The following SGCZ variants were observed in gnomAD, a reference collection of about 807,000 sequenced individuals.
SGCZ encodes sarcoglycan zeta, also known as zeta-sarcoglycan.
Under a neutral mutation model 41.3 loss-of-function variants are expected in SGCZ, and 40 were observed. The ratio of observed to expected loss-of-function variants is 0.97; its 90% CI spans 0.75 to 1.26. The LOEUF (loss-of-function observed/expected upper bound fraction) is 1.26, where lower values mean the gene tolerates loss of function less well. Among genes scored for constraint, SGCZ ranks in the 50% most tolerant of loss-of-function variants. The pLI, the probability that SGCZ is intolerant of heterozygous loss-of-function variation, is 0.00. For missense variants in SGCZ, 552 were observed against 369.8 expected (o/e 1.49, Z -4.04); for synonymous variants, 206 against 137.5 (o/e 1.50, Z -3.49).
chr8:14,369,031 G>GTA (rs1803817985), intron 2 of SGCZ, among the ~76,000 whole-genome samples: 1 of 148,576 alleles, frequency 6.7e-6, no homozygotes, highest in African/African-American at 2.6e-5. Context: ...ATGTGTGTGT[G>GTA]TGTGTGTGTG....
intron 5 of SGCZ, among the ~76,000 whole-genome samples, chr8:14,121,420 G>T (rs893924566): frequency 1.3e-5 from 2 of 152,012 alleles, no homozygotes; most frequent in African/African-American, 4.8e-5. Context: ...AACAATATTT[G>T]CACTGAAATA....
At chr8:14,997,522 T>A (rs1480843689) in intron 1 of SGCZ, among the ~76,000 whole-genome samples, 1 of 152,210 alleles carries the variant, frequency 6.6e-6, no homozygotes, top group Non-Finnish European at 1.5e-5. Context: ...TATGCAAAGA[T>A]CATATAATCG....
chr8:14,426,840 T>C (rs763894687), intron 2 of SGCZ, among the ~76,000 whole-genome samples: 13 of 152,172 alleles, frequency 8.5e-5, no homozygotes, highest in Non-Finnish European at 1.8e-4. Context: ...CATGAAGGGA[T>C]TGAATGGATC....
intron 1 of SGCZ, among the ~76,000 whole-genome samples, chr8:14,669,796 T>C (rs1281991824): frequency 1.3e-5 from 2 of 152,180 alleles, no homozygotes; most frequent in Admixed American, 6.5e-5. Context: ...TTGTGAACTA[T>C]GTTGAAATGG....
intron 1 of SGCZ, among the ~76,000 whole-genome samples, chr8:14,795,425 G>GA (rs1340417885): frequency 1.6e-5 from 2 of 125,034 alleles, no homozygotes; most frequent in African/African-American, 5.0e-5. Context: ...TTCATACTTT[G>GA]GGGTTTTTTT....
At chr8:14,725,525 G>C (rs945760558) in intron 1 of SGCZ, among the ~76,000 whole-genome samples, 4 of 151,910 alleles carry the variant, frequency 2.6e-5, no homozygotes, top group Non-Finnish European at 4.4e-5. Context: ...TTTTAAATGG[G>C]GTGGAATCTA....
chr8:14,681,346 G>C (rs1808440922), intron 1 of SGCZ, among the ~76,000 whole-genome samples: 1 of 152,008 alleles, frequency 6.6e-6, no homozygotes. Context: ...TATTAAAGGG[G>C]GAAAAATGAC....
chr8:14,297,112 G>A (rs920051457), intron 3 of SGCZ, among the ~76,000 whole-genome samples: 4 of 151,886 alleles, frequency 2.6e-5, no homozygotes, highest in Non-Finnish European at 4.4e-5. Flanking sequence ...TGGTAGAAAC[G>A]GGGTTTCGCC....
chr8:14,214,663 G>C (rs184177568), intron 4 of SGCZ, among the ~76,000 whole-genome samples: 3 of 151,844 alleles, frequency 2.0e-5, no homozygotes, highest in African/African-American at 4.8e-5. Context: ...TAGGTATATT[G>C]AAAGTATGGA....
intron 2 of SGCZ, among the ~76,000 whole-genome samples, chr8:14,333,707 T>C (rs1797089624): frequency 6.6e-6 from 1 of 152,222 alleles, no homozygotes; most frequent in East Asian, 1.9e-4. Flanking sequence ...ATAACCCACC[T>C]TTTAGAGTAG....
chr8:14,687,252 G>A (rs1285910743), intron 1 of SGCZ, among the ~76,000 whole-genome samples: 1 of 149,920 alleles, frequency 6.7e-6, no homozygotes, highest in Non-Finnish European at 1.5e-5. Context: ...GTGCACGTTA[G>A]TTACATATGT....
At chr8:15,053,872 G>C (rs747414335) in intron 1 of SGCZ, among the ~76,000 whole-genome samples, 12 of 152,138 alleles carry the variant, frequency 7.9e-5, no homozygotes, top group Non-Finnish European at 1.5e-5. Flanking sequence ...ATTTCATGCT[G>C]TTCTGTGAGT....
intron 3 of SGCZ, among the ~76,000 whole-genome samples, chr8:14,271,383 T>G (rs1178043140): frequency 6.6e-6 from 1 of 152,206 alleles, no homozygotes; most frequent in African/African-American, 2.4e-5. Context: ...AAATGTGAGC[T>G]TTAATATATA....
intron 1 of SGCZ, among the ~76,000 whole-genome samples, chr8:14,613,939 T>C (rs117705829): frequency 0.013 from 1,925 of 152,256 alleles, 23 homozygotes; most frequent in Non-Finnish European, 0.02. Flanking sequence ...CATGAAACAA[T>C]TGAGTGATTT....
chr8:15,157,244 A>T (rs537095421), intron 1 of SGCZ, among the ~76,000 whole-genome samples: 1 of 152,192 alleles, frequency 6.6e-6, no homozygotes, highest in African/African-American at 2.4e-5. Context: ...TCATAAAAGT[A>T]GCGCATGGCT....
chr8:14,972,824 A>T (rs989861103), intron 1 of SGCZ, among the ~76,000 whole-genome samples: 2 of 152,208 alleles, frequency 1.3e-5, no homozygotes, highest in Non-Finnish European at 2.9e-5. Flanking sequence ...CATACAAATT[A>T]AACATGCTAT....
intron 3 of SGCZ, among the ~76,000 whole-genome samples, chr8:14,249,093 C>T (rs1799200638): frequency 6.6e-6 from 1 of 152,098 alleles, no homozygotes; most frequent in Non-Finnish European, 1.5e-5. Flanking sequence ...GAGTGTTTCT[C>T]AATGAGATGA....
intron 5 of SGCZ, 120 bp from the exon 6 acceptor site, chr8:14,108,355 T>A: frequency 1.2e-6 from 1 of 802,762 alleles, no homozygotes; most frequent in South Asian, 1.7e-5. Context: ...GTACATATGA[T>A]GTATTAGTCC....
chr8:14,577,384 C>CTTTTTTTTTT (rs57432939), intron 1 of SGCZ, among the ~76,000 whole-genome samples: 1 of 111,888 alleles, frequency 8.9e-6, no homozygotes, highest in African/African-American at 3.6e-5. Context: ...AGAAATATAT[C>CTTTTTTTTTT]TTTTTTTTTT....
Sources: gnomAD v4.1 joint callset for allele counts (sites outside exome capture counted in the v4.1 genomes callset) on GRCh38, gnomAD v4.1.1 for gene constraint, MANE v1.5 for transcripts, NCBI Gene and HGNC (gene_info 2026-07-23, HGNC 2026-07-21) for gene names.